Variants in GFRA2 observed in about 807,000 individuals in gnomAD.
GFRA2 encodes the protein GDNF family receptor alpha-2.
A neutral mutation model predicts 48.3 loss-of-function variants in GFRA2; 17 were observed. The observed-to-expected ratio is 0.35, with a 90% confidence interval of 0.24 to 0.53. The LOEUF (loss-of-function observed/expected upper bound fraction) is 0.53. GFRA2 is among the 20% of genes least tolerant of loss of function. GFRA2 has a pLI of 0.93. For missense variants in GFRA2, 660 were observed against 637.3 expected (o/e 1.04, Z -0.38); for synonymous variants, 305 against 257.2 (o/e 1.19, Z -1.78).
At chr8:21,716,185 T>C (rs1218503930) in intron 4 of GFRA2, among the ~76,000 whole-genome samples, 3 of 151,896 alleles carry the variant, frequency 2.0e-5, no homozygotes, top group Non-Finnish European at 4.4e-5. Flanking sequence ...TAGCCAGGCA[T>C]GCTAGCACAC....
At chr8:21,706,387 C>G in intron 4 of GFRA2, 1 of 478,450 alleles carries the variant, frequency 2.1e-6, no homozygotes, top group South Asian at 1.5e-5. Context: ...GGACCCCAGG[C>G]AGGAAAGCTG....
chr8:21,706,696 A>C (rs966699295), intron 4 of GFRA2, among the ~76,000 whole-genome samples: 3 of 151,966 alleles, frequency 2.0e-5, no homozygotes, highest in African/African-American at 7.3e-5. Context: ...TCCCCTGGTG[A>C]CGGTAACACG....
At chr8:21,776,031 G>A (rs1033074754) in intron 2 of GFRA2, among the ~76,000 whole-genome samples, 1 of 143,356 alleles carries the variant, frequency 7.0e-6, no homozygotes, top group South Asian at 2.2e-4. Context: ...GTGTGTGTGT[G>A]TGTGTGTGTA....
chr8:21,716,649 T>C (rs191330798), intron 4 of GFRA2, among the ~76,000 whole-genome samples: 13 of 152,306 alleles, frequency 8.5e-5, no homozygotes, highest in African/African-American at 3.1e-4. Flanking sequence ...AAAGGGGACT[T>C]ATCATGCCAC....
At chr8:21,732,486 A>T (rs1487043352) in intron 4 of GFRA2, among the ~76,000 whole-genome samples, 1 of 152,204 alleles carries the variant, frequency 6.6e-6, no homozygotes, top group Non-Finnish European at 1.5e-5. Flanking sequence ...GGGCAAATCC[A>T]GGGTCTTTGG....
chr8:21,800,018 A>G (rs1807743509), intron 2 of GFRA2, among the ~76,000 whole-genome samples: 2 of 152,194 alleles, frequency 1.3e-5, no homozygotes, highest in Admixed American at 1.3e-4. Flanking sequence ...GGACATCTCC[A>G]GCTTCTAACC....
chr8:21,718,114 A>G (rs112995901), intron 4 of GFRA2, among the ~76,000 whole-genome samples: 3,054 of 152,232 alleles, frequency 0.02, 94 homozygotes, highest in East Asian at 0.069. Context: ...TCCCCACCCA[A>G]ATCTCATCTT....
rs1803373436 is a variant in GFRA2 at position 21,717,087 on chromosome 8, C to T, written c.795-11046G>A. ...TATCTTCCTTCAAGAAACTCTGCTG[C>T]TTAACCCTCACTGTGCGTCACTTGG... On this transcript the variant is annotated intron_variant, in intron 4 of 8. Transcript: ENST00000524240. Among the ~76,000 whole-genome samples, 2 of 152,240 alleles carry T rather than the reference C, an allele frequency of 1.3e-5. 1 individual carries two copies. Among genetic ancestry groups the T allele is most frequent in the South Asian group, 4.1e-4 (2 of 4,830 alleles).
intron 2 of GFRA2, among the ~76,000 whole-genome samples, chr8:21,778,079 C>T (rs909213815): frequency 1.3e-5 from 2 of 152,214 alleles, no homozygotes; most frequent in East Asian, 1.9e-4. Flanking sequence ...TGGTAAATCA[C>T]GCCCACCAGC....
intron 4 of GFRA2, among the ~76,000 whole-genome samples, chr8:21,745,051 G>A (rs1481178241): frequency 6.6e-6 from 1 of 152,188 alleles, no homozygotes; most frequent in Admixed American, 6.5e-5. Flanking sequence ...GTTTAACCAA[G>A]GCATCTTTAA....
intron 3 of GFRA2, among the ~76,000 whole-genome samples, chr8:21,760,324 GGCT>G: frequency 6.6e-6 from 1 of 152,346 alleles, no homozygotes; most frequent in South Asian, 2.1e-4. Context: ...ACCAGTCACA[GGCT>G]GCTGAAGCAG....
chr8:21,709,037 G>A (rs954008446), intron 4 of GFRA2, among the ~76,000 whole-genome samples: 2 of 152,190 alleles, frequency 1.3e-5, no homozygotes, highest in African/African-American at 2.4e-5. Flanking sequence ...GGAGTGGGCT[G>A]CAGGTGGGCA....
At chr8:21,707,404 G>C (rs1409970919) in intron 4 of GFRA2, among the ~76,000 whole-genome samples, 1 of 152,200 alleles carries the variant, frequency 6.6e-6, no homozygotes, top group Non-Finnish European at 1.5e-5. Context: ...TGAGCCAGGA[G>C]AGAGAATGCA....
At chr8:21,762,402 C>A (rs894883159) in intron 3 of GFRA2, among the ~76,000 whole-genome samples, 4 of 152,146 alleles carry the variant, frequency 2.6e-5, no homozygotes, top group African/African-American at 9.7e-5. Flanking sequence ...AGGGTGCTTA[C>A]CCTCCTCAAA....
intron 4 of GFRA2, among the ~76,000 whole-genome samples, chr8:21,739,670 G>A (rs1402100857): frequency 6.6e-6 from 1 of 152,186 alleles, no homozygotes; most frequent in Admixed American, 6.5e-5. Context: ...CCCTGGGGAT[G>A]CCCACGTGGA....
chr8:21,764,701 C>T (rs567210304), intron 3 of GFRA2, among the ~76,000 whole-genome samples: 24 of 152,318 alleles, frequency 1.6e-4, no homozygotes, highest in African/African-American at 5.5e-4. Context: ...CTCCTGAAAT[C>T]GCCCCTTCCT....
At chr8:21,808,417 G>C (rs1006303099) in intron 1 of GFRA2, among the ~76,000 whole-genome samples, 3 of 152,172 alleles carry the variant, frequency 2.0e-5, no homozygotes, top group African/African-American at 7.2e-5. Context: ...TGATGGAGGA[G>C]GGTTGTTATG....
At chr8:21,700,371 C>T (rs984630883) in intron 7 of GFRA2, among the ~76,000 whole-genome samples, 1 of 152,224 alleles carries the variant, frequency 6.6e-6, no homozygotes, top group East Asian at 1.9e-4. Flanking sequence ...GAAGGAGACA[C>T]TTCTGAGAGT....
chr8:21,736,650 C>T (rs1314068387), intron 4 of GFRA2, among the ~76,000 whole-genome samples: 3 of 151,902 alleles, frequency 2.0e-5, no homozygotes, highest in Non-Finnish European at 4.4e-5. Context: ...CAGGCACCAC[C>T]GTATCTGGCT....
Sources: gnomAD v4.1 joint callset for allele counts (sites outside exome capture counted in the v4.1 genomes callset) on GRCh38, gnomAD v4.1.1 for gene constraint, MANE v1.5 for transcripts, NCBI Gene and HGNC (gene_info 2026-07-23, HGNC 2026-07-21) for gene names.